Variants in SASH1 observed in about 807,000 individuals in gnomAD.
The protein encoded by SASH1 is SAM and SH3 domain containing 1.
Under a neutral mutation model 125.2 loss-of-function variants are expected in SASH1, and 44 were observed. That is an observed-to-expected ratio of 0.35 (90% CI 0.28 to 0.45). SASH1 has a LOEUF of 0.45. SASH1 is among the 20% of genes least tolerant of loss of function. The probability of loss-of-function intolerance (pLI) is 1.00; values close to 1 mark genes in which losing one functional copy is unlikely to be tolerated. For missense variants in SASH1, 1,426 were observed against 1,614.5 expected, an observed-to-expected ratio of 0.88 and a Z score of 2.00; for synonymous variants, 639 against 649.1, an observed-to-expected ratio of 0.98 and a Z score of 0.24.
At chr6:148,258,417 C>T in the SASH1 span, among the ~76,000 whole-genome samples, 5 of 152,148 alleles carry the variant, frequency 3.3e-5, no homozygotes, top group African/African-American at 1.2e-4. Flanking sequence ...GTAGTCCTTA[C>T]AATAAACCCC....
chr6:148,330,696 C>T (rs1313909259), intron 1 of SASH1, among the ~76,000 whole-genome samples: 4 of 152,182 alleles, frequency 2.6e-5, no homozygotes, highest in African/African-American at 7.2e-5. Context: ...AGCGATTCTC[C>T]TGCCTCACCC....
At chr6:148,546,228 T>C (rs1172026206) in intron 19 of SASH1, 82 bp downstream of exon 19, 3 of 1,507,944 alleles carry the variant, frequency 2.0e-6, no homozygotes, top group Admixed American at 2.1e-5. Context: ...AACTGCCAAG[T>C]AGGCAAGGGC....
chr6:148,537,282 G>A (rs752218905), intron 16 of SASH1, among the ~76,000 whole-genome samples: 39 of 152,254 alleles, frequency 2.6e-4, no homozygotes, highest in Admixed American at 1.0e-3. Context: ...CCCTCGAAGC[G>A]TGGGAAAATG....
At chr6:148,245,916 G>A in the SASH1 span, among the ~76,000 whole-genome samples, 5 of 151,780 alleles carry the variant, frequency 3.3e-5, no homozygotes, top group Non-Finnish European at 5.9e-5. Flanking sequence ...GTGAACCCGG[G>A]AGATGGAGGT....
upstream of SASH1, among the ~76,000 whole-genome samples, chr6:148,269,520 G>A (rs1428444487): frequency 6.6e-6 from 1 of 152,152 alleles, no homozygotes; most frequent in East Asian, 1.9e-4. Context: ...GCAAAGTGCT[G>A]GGATTATAGG....
chr6:148,434,659 A>G (rs1017878984), intron 2 of SASH1, among the ~76,000 whole-genome samples: 8 of 152,206 alleles, frequency 5.3e-5, no homozygotes, highest in African/African-American at 1.9e-4. Flanking sequence ...AATGATGAAC[A>G]ATTCAATCTA....
At chr6:148,419,375 C>T (rs1432855260) in intron 2 of SASH1, among the ~76,000 whole-genome samples, 1 of 152,048 alleles carries the variant, frequency 6.6e-6, no homozygotes, top group Non-Finnish European at 1.5e-5. Context: ...AATTTGCATA[C>T]GTTGTTTTAG....
chr6:148,295,308 T>C (rs568433543), intron 1 of SASH1, among the ~76,000 whole-genome samples: 6 of 151,960 alleles, frequency 3.9e-5, no homozygotes, highest in Middle Eastern at 3.4e-3. Context: ...GAGAAAGGAG[T>C]TCTCTGTTTG....
At position 148,540,248 on chromosome 6, in the gene SASH1, T is replaced by C. The variant is rs866455920; in HGVS notation, c.2096-195T>C. Among the ~76,000 whole-genome samples, 8 of 152,348 alleles carry C rather than the reference T, an allele frequency of 5.3e-5. No individual in the cohort carries two copies. The Middle Eastern group carries it at 0.017, about 324-fold the overall frequency. On this transcript the variant is annotated intron_variant, in intron 16 of 19. Transcript: ENST00000367467. Reference sequence around the variant, plus strand: ...CAACTGTGTGCTCTCTCCAAACTTATCTTCGTGCGATGAATACCTTATTGG... The same window carrying C: ...CAACTGTGTGCTCTCTCCAAACTTACCTTCGTGCGATGAATACCTTATTGG...
chr6:148,515,890 G>A (rs1044046865), intron 9 of SASH1, among the ~76,000 whole-genome samples: 5 of 152,162 alleles, frequency 3.3e-5, no homozygotes, highest in African/African-American at 1.2e-4. Flanking sequence ...GATGGGTGGG[G>A]TTCATCCATA....
chr6:148,377,605 C>T (rs1234070294), intron 1 of SASH1, among the ~76,000 whole-genome samples: 8 of 152,168 alleles, frequency 5.3e-5, no homozygotes, highest in Admixed American at 5.2e-4. Context: ...TCTTTTGGGA[C>T]AAGTCACTCA....
chr6:148,250,432 G>C, the SASH1 span, among the ~76,000 whole-genome samples: 1 of 152,006 alleles, frequency 6.6e-6, no homozygotes, highest in African/African-American at 2.4e-5. Context: ...ACTTCTTAAG[G>C]GTTCTTAAGT....
At chr6:148,267,031 C>T in the SASH1 span, among the ~76,000 whole-genome samples, 1 of 152,072 alleles carries the variant, frequency 6.6e-6, no homozygotes, top group African/African-American at 2.4e-5. Context: ...AATTCTGCTG[C>T]GAGTGGTCCT....
chr6:148,406,448 G>C (rs938094346), intron 2 of SASH1, among the ~76,000 whole-genome samples: 2 of 152,156 alleles, frequency 1.3e-5, no homozygotes, highest in African/African-American at 4.8e-5. Flanking sequence ...ATTCCTACTT[G>C]CCAGTATTCA....
intron 10 of SASH1, among the ~76,000 whole-genome samples, chr6:148,523,719 C>G (rs1194178107): frequency 2.0e-5 from 3 of 152,100 alleles, no homozygotes; most frequent in East Asian, 3.9e-4. Flanking sequence ...TAGTTGAACT[C>G]CCAGATTAGA....
At chr6:148,396,410 G>A (rs1317368836) in intron 2 of SASH1, among the ~76,000 whole-genome samples, 2 of 147,798 alleles carry the variant, frequency 1.4e-5, no homozygotes, top group African/African-American at 5.0e-5. Flanking sequence ...CCCAGGAGGC[G>A]AGGTTGCAGT....
At position 148,311,210 on chromosome 6, in the gene SASH1, G is replaced by A. The variant is rs145819926; in HGVS notation, n.74+38833G>A. On this transcript the variant is annotated intron_variant and non_coding_transcript_variant, in intron 1 of 3. Coordinates refer to the SASH1 transcript ENST00000367469. ...CAACATCTGCCTCCCAGGTTCAAGC[G>A]ATTCTGCTGCCTCAGCCTCCCAAGT... 1.5e-3 allele frequency among the ~76,000 whole-genome samples: 234 copies of A among 151,688 alleles called. 5 individuals carry two copies. The East Asian group carries it at 0.037, about 24-fold the overall frequency.
In SASH1 at chr6:148,532,398, T is replaced by C. The variant is rs1781576322; in HGVS notation, c.1565-399T>C. ...GTTTAAACCTACCACTTTAAGCTCTTTCTTACCCTTTTGGGCAAATGACAT... is the reference window on the plus strand; with the variant it reads ...GTTTAAACCTACCACTTTAAGCTCTCTCTTACCCTTTTGGGCAAATGACAT... On this transcript the variant is annotated intron_variant, in intron 13 of 19. Transcript: ENST00000367467. This position sits in a 1 kb window ranked among gnomAD's most constrained non-coding sequence, Gnocchi z 4.7. 2.0e-5 allele frequency among the ~76,000 whole-genome samples: 3 copies of C among 152,220 alleles called. No individual in the cohort carries two copies. The South Asian group carries it at 6.2e-4, about 32-fold the overall frequency.
At chr6:148,263,239 G>GACA in the SASH1 span, among the ~76,000 whole-genome samples, 30 of 152,304 alleles carry the variant, frequency 2.0e-4, no homozygotes, top group East Asian at 5.4e-3. Flanking sequence ...AAGGTGGCAG[G>GACA]ACAAGTTTCA....
Sources: gnomAD v4.1 joint callset for allele counts (sites outside exome capture counted in the v4.1 genomes callset) on GRCh38, gnomAD v4.1.1 for gene constraint, Gnocchi (gnomAD v3.1) non-coding constraint, MANE v1.5 for transcripts, NCBI Gene and HGNC (gene_info 2026-07-23, HGNC 2026-07-21) for gene names.